Variants in ZNF728 observed in about 807,000 individuals in gnomAD.
The protein encoded by ZNF728 is zinc finger protein 728.
In ZNF728, 12 loss-of-function variants were observed where a neutral mutation model predicts 12.5. That is an observed-to-expected ratio of 0.96 (90% CI 0.61 to 1.55). The LOEUF is 1.55. Among genes scored for constraint, ZNF728 ranks in the 40% most tolerant of loss-of-function variants. ZNF728 has a pLI of 0.00. For synonymous variants in ZNF728, 205 were observed against 240.7 expected (o/e 0.85, Z 1.37); for missense variants, 692 against 719.2 (o/e 0.96, Z 0.43).
rs1188754924 is a variant in ZNF728 at position 22,975,277 on chromosome 19, G to A, written c.*191C>T. On this transcript the variant is annotated 3_prime_UTR_variant, in exon 4 of 4. Transcript: ENST00000594710. ...TTGTACGTAGTAAGCCTTAAGGACT[G>A]ATTAAAGGCTTTGCCACATTCCACA... 2.0e-5 allele frequency among the ~76,000 whole-genome samples: 3 copies of A among 152,012 alleles called. No individual in the cohort carries two copies. Among genetic ancestry groups the A allele is most frequent in the East Asian group, 3.9e-4 (2 of 5,154 alleles).
intron 3 of ZNF728, among the ~76,000 whole-genome samples, chr19:22,981,193 G>A (rs977381880): frequency 1.4e-4 from 22 of 151,998 alleles, no homozygotes; most frequent in African/African-American, 5.3e-4. Flanking sequence ...AATAATAAAG[G>A]GGACATCAGC....
intron 1 of ZNF728, among the ~76,000 whole-genome samples, chr19:22,998,870 T>C (rs1192566732): frequency 1.3e-5 from 2 of 152,220 alleles, no homozygotes; most frequent in African/African-American, 2.4e-5. Context: ...ACTTACCTAA[T>C]ACACAGCCAG....
Position 22,988,419 on chromosome 19 carries a change from T to C in ZNF728, c.36A>G (p.Gln12=), listed in dbSNP as rs529853578. Residue 12 remains glutamine, a synonymous_variant, in exon 2 of 4, where the codon CAA becomes CAG. Coordinates refer to ENST00000594710, the MANE Select transcript of ZNF728 (RefSeq NM_001267716.2). ...GGCATTGCCACTCCTCCAGAGAGAATTGTATGGCCACATCCCGAAATGTCA... is the reference window on the plus strand; with the variant it reads ...GGCATTGCCACTCCTCCAGAGAGAACTGTATGGCCACATCCCGAAATGTCA... ...GSLTFRDVAI[Q]FSLEEWQCLD... is the part of the protein sequence containing the mutation. 2.0e-5 allele frequency: 33 copies of C among 1,614,102 alleles called. No individual in the cohort carries two copies. Among genetic ancestry groups the C allele is most frequent in the Admixed American group, 2.0e-4 (12 of 60,016 alleles).
rs1206201135 is a variant in ZNF728, at chr19:22,975,582, A to C, written c.1755T>G (p.Ile585Met). Reference protein sequence around the residue: ...WVSVLNKHKKIHAGKKFYKCE... With the variant: ...WVSVLNKHKKMHAGKKFYKCE... ...ATTTGTAGAATTTCTTTCCAGCATG[A>C]ATTTTCTTATGTTTGTTAAGGACTG... Residue 585 changes from isoleucine to methionine, a missense_variant, in exon 4 of 4, where the codon ATT becomes ATG. Ile to Met is a conservative substitution (Grantham distance 10, BLOSUM62 1). Transcript: ENST00000594710. 6.2e-7 allele frequency: 1 copy of C among 1,603,352 alleles called. No homozygotes were observed. The highest frequency in any genetic ancestry group is 1.3e-5 in the African/African-American group (1 of 74,544).
rs57794293 is a variant in ZNF728, at chr19:22,984,577, TACACAC to T, written c.226+2725_226+2730del. Among the ~76,000 whole-genome samples, 827 of 109,220 alleles carry T rather than the reference TACACAC, an allele frequency of 7.6e-3. 3 individuals carry two copies. Among genetic ancestry groups the T allele is most frequent in the Middle Eastern group, 0.022 (4 of 186 alleles). 71.7% of individuals were successfully genotyped at this position (109,220 alleles called of 152,430 possible). The stretch of plus-strand genomic sequence containing the variant: ...CATCTCAAAAAAAAAAAAAAAAAAA[TACACAC>T]ACACACACACACACACACACACACA... On this transcript the variant is annotated intron_variant, in intron 3 of 3. Transcript: ENST00000594710.
chr19:22,979,828 C>G (rs1256377325), intron 3 of ZNF728, among the ~76,000 whole-genome samples: 1 of 152,128 alleles, frequency 6.6e-6, no homozygotes, highest in Admixed American at 6.6e-5. Flanking sequence ...TTGTCACCAG[C>G]AGGCCTGCCT....
rs1207807877 is a variant in ZNF728, at chr19:22,977,029, T to C, written c.308A>G (p.Tyr103Cys). The change falls in exon 4 of 4, where the codon TAT becomes TGT. Residue 103 changes from tyrosine (Y) to cysteine (C), a missense_variant. By Grantham distance (194) the Tyr-to-Cys change is radical. Around this residue, in one of 3 missense-constraint regions of ZNF728, gnomAD observed 440 missense variants for 459.6 expected, o/e 0.96. Transcript: ENST00000594710. ...DSFQKVILRR[Y>C]EKCGHENLQL... Reference sequence around the variant, plus strand: ...TAAATTCTCATGTCCACATTTTTCATATCTTCTCAATATCACTTTTTGGAA... The same window carrying C: ...TAAATTCTCATGTCCACATTTTTCACATCTTCTCAATATCACTTTTTGGAA... The C allele has an allele frequency of 3.1e-6, 5 of 1,613,258 alleles. No homozygotes were observed. The highest frequency in any genetic ancestry group is 2.7e-5 in the African/African-American group (2 of 74,928).
intron 1 of ZNF728, among the ~76,000 whole-genome samples, chr19:22,989,500 A>G (rs1478411608): frequency 6.6e-6 from 1 of 152,228 alleles, no homozygotes; most frequent in Non-Finnish European, 1.5e-5. Flanking sequence ...AACGATGAAC[A>G]GAAAAATAAT....
intron 1 of ZNF728, among the ~76,000 whole-genome samples, chr19:22,990,904 T>C (rs1323528474): frequency 6.6e-6 from 1 of 152,178 alleles, no homozygotes; most frequent in East Asian, 1.9e-4. Context: ...AATCACTTGG[T>C]AATTTTCTCC....
rs1968942309 is a variant in ZNF728, at chr19:22,988,367, T to C, written c.88A>G (p.Arg30Gly). 6.2e-7 allele frequency: 1 copy of C among 1,614,168 alleles called. No homozygotes were observed. The highest frequency in any genetic ancestry group is 8.5e-7 in the Non-Finnish European group (1 of 1,180,008). The change falls in exon 2 of 4, where the codon AGG becomes GGG. Residue 30 changes from arginine to glycine, a missense_variant. Physicochemically the swap from Arg to Gly is moderately radical, Grantham distance 125. Around this residue, in one of 3 missense-constraint regions of ZNF728, gnomAD observed 440 missense variants for 459.6 expected, o/e 0.96. Coordinates refer to ENST00000594710, the MANE Select transcript of ZNF728 (RefSeq NM_001267716.2). ...CLDTAQQNLY[R>G]NVMLENYRNL... ...CTGTAGTTCTCTAACATCACATTCC[T>C]ATATAAATTCTGCTGTGCAGTGTCC...
chr19:22,980,166 T>A (rs180832072), intron 3 of ZNF728, among the ~76,000 whole-genome samples: 2 of 144,874 alleles, frequency 1.4e-5, no homozygotes, highest in Admixed American at 6.9e-5. Flanking sequence ...AGAGGAATAG[T>A]TACCAAGCAA....
intron 3 of ZNF728, chr19:22,985,787 G>A (rs1429715138): frequency 6.5e-6 from 1 of 152,694 alleles, no homozygotes; most frequent in Non-Finnish European, 1.5e-5. Flanking sequence ...GCAGTTCCAA[G>A]ACTCAGTTCC....
In ZNF728 at chr19:22,974,912, T is replaced by G. The variant is rs564708758; in HGVS notation, c.*556A>C. On this transcript the variant is annotated 3_prime_UTR_variant, in exon 4 of 4. Transcript: ENST00000594710. Reference sequence around the variant, plus strand: ...TCTCCCTCTGTTGCCCAGGCTAGTGTAAATGCTTTCCTTTGCAATTAGGCA... The same window carrying G: ...TCTCCCTCTGTTGCCCAGGCTAGTGGAAATGCTTTCCTTTGCAATTAGGCA... Among the ~76,000 whole-genome samples the G allele has an allele frequency of 6.6e-6, 1 of 152,336 alleles. No homozygotes were observed. Among genetic ancestry groups the G allele is most frequent in the East Asian group, 1.9e-4 (1 of 5,184 alleles).
intron 1 of ZNF728, 138 bp downstream of exon 1, chr19:23,002,890 G>A (rs1303905897): frequency 1.4e-5 from 16 of 1,170,380 alleles, no homozygotes; most frequent in Non-Finnish European, 1.9e-5. Context: ...GCGGACTGAG[G>A]TCGAGCTAGG....
rs1968928019 is a variant in ZNF728, at chr19:22,987,349, G to C, written c.185C>G (p.Pro62Arg). 1 of 1,611,984 alleles carries C rather than the reference G, an allele frequency of 6.2e-7. No individual in the cohort carries two copies. Among genetic ancestry groups the C allele is most frequent in the Non-Finnish European group, 8.5e-7 (1 of 1,179,068 alleles). ...LIIFLEQGKE[P>R]WNMKRHELVK... ...CAGCTCATGTCTCTTCATATTCCAGGGCTCTTTTCCTTGCTCCAGAAAAAT... is the reference window on the plus strand; with the variant it reads ...CAGCTCATGTCTCTTCATATTCCAGCGCTCTTTTCCTTGCTCCAGAAAAAT... The change falls in exon 3 of 4, where the codon CCC becomes CGC. Residue 62 changes from proline (P) to arginine (R), a missense_variant. Coordinates refer to ENST00000594710, the MANE Select transcript of ZNF728 (RefSeq NM_001267716.2).
At position 22,976,352 on chromosome 19, in the gene ZNF728, C is replaced by G; in HGVS notation, c.985G>C (p.Glu329Gln). 1 of 1,608,320 alleles carries G rather than the reference C, an allele frequency of 6.2e-7. No homozygotes were observed. Among genetic ancestry groups the G allele is most frequent in the Non-Finnish European group, 8.5e-7 (1 of 1,178,690 alleles). The change falls in exon 4 of 4, where the codon GAA becomes CAA. Residue 329 changes from glutamate (E) to glutamine (Q), a missense_variant. This residue lies in a region of ZNF728 where 440 missense variants were observed against 459.6 expected (regional missense o/e 0.96). Transcript: ENST00000594710. ...TCTCCAGTATGAATTCTCTTATGTT[C>G]CATAAGGTTTGAGGACCGGTTGAAA... is the stretch of plus-strand genomic sequence containing the variant. ...KAFNRSSNLM[E>Q]HKRIHTGEKP... is the part of the protein sequence containing the mutation.
chr19:22,995,941 A>G (rs1283006169), intron 1 of ZNF728: 2 of 152,194 alleles, frequency 1.3e-5, no homozygotes, highest in Non-Finnish European at 2.9e-5. Context: ...TTGGGTAGCC[A>G]TATCATCTGT....
chr19:22,990,412 A>G (rs1270356898), intron 1 of ZNF728, among the ~76,000 whole-genome samples: 1 of 152,226 alleles, frequency 6.6e-6, no homozygotes, highest in Non-Finnish European at 1.5e-5. Flanking sequence ...ATCCACAGGC[A>G]GAAGGACCAA....
rs1365753834 is a variant in ZNF728, at chr19:23,000,890, A to AC, written c.3+2137_3+2138insG. Among the ~76,000 whole-genome samples the AC allele has an allele frequency of 3.1e-3, 254 of 81,464 alleles. 4 individuals are homozygous for AC. Among genetic ancestry groups the AC allele is most frequent in the African/African-American group, 0.017 (204 of 11,814 alleles). 53.4% of individuals were successfully genotyped at this position (81,464 alleles called of 152,430 possible). A position where few individuals can be genotyped will look rare whatever the true frequency, so the allele number is the denominator to read the frequency against. On this transcript the variant is annotated intron_variant, in intron 1 of 3. Coordinates refer to ENST00000594710, the MANE Select transcript of ZNF728 (RefSeq NM_001267716.2). The stretch of plus-strand genomic sequence containing the variant: ...CAAAAAAAAAAAAAAAAAAAACCAA[A>AC]AAAAAAAAAACCCTGAGGTCAAAAT...
Sources: allele counts gnomAD v4.1 joint callset (sites outside exome capture counted in the v4.1 genomes callset), GRCh38; gene constraint gnomAD v4.1.1; regional missense constraint gnomAD v4.1.1; transcripts MANE v1.5; gene names NCBI Gene and HGNC (gene_info 2026-07-23, HGNC 2026-07-21).